RNLS: variants seen among roughly 807,000 people sequenced by gnomAD.
RNLS encodes the protein renalase.
Under a neutral mutation model 39.8 loss-of-function variants are expected in RNLS, and 39 were observed. The observed-to-expected ratio is 0.98, with a 90% CI of 0.76 to 1.28. The LOEUF (loss-of-function observed/expected upper bound fraction) is 1.28, where lower values mean the gene tolerates loss of function less well. Ranked by LOEUF, RNLS falls within the 50% of genes most tolerant of loss-of-function variation. The pLI is 0.00. For synonymous variants in RNLS, 147 were observed against 150.7 expected (o/e 0.98, Z 0.18); for missense variants, 410 against 413.3 (o/e 0.99, Z 0.07).
the RNLS span, among the ~76,000 whole-genome samples, chr10:88,189,504 A>C: frequency 6.6e-6 from 1 of 152,214 alleles, no homozygotes; most frequent in Non-Finnish European, 1.5e-5. Context: ...TAATAAACAA[A>C]AAAAAATAAT....
chr10:88,278,454 T>C (rs1842891388), intron 6 of RNLS, among the ~76,000 whole-genome samples: 1 of 152,082 alleles, frequency 6.6e-6, no homozygotes. Context: ...TTAAAAAGTA[T>C]CGAAAAAATA....
At chr10:88,454,924 T>G (rs1037095056) in intron 4 of RNLS, among the ~76,000 whole-genome samples, 1 of 152,222 alleles carries the variant, frequency 6.6e-6, no homozygotes, top group Non-Finnish European at 1.5e-5. Context: ...AAATACTCAT[T>G]TTTATTCAAT....
intron 4 of RNLS, among the ~76,000 whole-genome samples, chr10:88,469,813 ATG>A (rs1171622999): frequency 1.3e-4 from 17 of 128,222 alleles, no homozygotes; most frequent in African/African-American, 2.8e-4. Context: ...CAATATTTTT[ATG>A]TGTGTGCGTG....
the RNLS span, among the ~76,000 whole-genome samples, chr10:88,197,661 C>G: frequency 1.9e-3 from 289 of 152,276 alleles, no homozygotes; most frequent in African/African-American, 6.7e-3. Flanking sequence ...ACCCTAACCC[C>G]CAATGTGACT....
chr10:88,580,251 C>T (rs962982948), intron 3 of RNLS, among the ~76,000 whole-genome samples: 5 of 152,130 alleles, frequency 3.3e-5, no homozygotes, highest in Non-Finnish European at 5.9e-5. Flanking sequence ...CACACACATA[C>T]CCTATTGGTT....
At chr10:88,453,314 C>T (rs955447388) in intron 4 of RNLS, among the ~76,000 whole-genome samples, 2 of 152,190 alleles carry the variant, frequency 1.3e-5, no homozygotes, top group East Asian at 3.8e-4. Flanking sequence ...TCAAGAAAAC[C>T]GCCTTACCCA....
At chr10:88,419,019 C>T (rs1407602764) in intron 4 of RNLS, among the ~76,000 whole-genome samples, 1 of 152,098 alleles carries the variant, frequency 6.6e-6, no homozygotes, top group Non-Finnish European at 1.5e-5. Context: ...AAGGTGAGCC[C>T]CAATTTGCGC....
chr10:88,404,234 G>C (rs1184570015), intron 4 of RNLS, among the ~76,000 whole-genome samples: 4 of 151,988 alleles, frequency 2.6e-5, no homozygotes, highest in Non-Finnish European at 4.4e-5. Context: ...TGGTTGAAAG[G>C]CTTCAGTGTA....
chr10:88,317,080 C>T (rs1384623322), intron 5 of RNLS, among the ~76,000 whole-genome samples: 3 of 152,064 alleles, frequency 2.0e-5, no homozygotes, highest in Non-Finnish European at 4.4e-5. Flanking sequence ...TTTTCTTTTT[C>T]TTTTCTTTAT....
intron 4 of RNLS, among the ~76,000 whole-genome samples, chr10:88,523,478 T>C (rs1810537333): frequency 6.6e-6 from 1 of 152,182 alleles, no homozygotes; most frequent in African/African-American, 2.4e-5. Flanking sequence ...GCATTTATTA[T>C]TATTCCACTT....
chr10:88,319,226 T>A (rs924828412), intron 5 of RNLS, among the ~76,000 whole-genome samples: 2 of 152,032 alleles, frequency 1.3e-5, no homozygotes, highest in Non-Finnish European at 1.5e-5. Context: ...CAAATGATCA[T>A]ACACAACATA....
chr10:88,331,924 A>G (rs1036853579), intron 5 of RNLS, among the ~76,000 whole-genome samples: 2 of 152,198 alleles, frequency 1.3e-5, no homozygotes, highest in African/African-American at 4.8e-5. Flanking sequence ...AGGGAGAGAG[A>G]GGGGAGAAAG....
chr10:88,459,105 T>G (rs199719079), intron 4 of RNLS, among the ~76,000 whole-genome samples: 74,568 of 143,424 alleles, frequency 0.52, 19,017 homozygotes, highest in African/African-American at 0.68. Context: ...TCTTTTTTCT[T>G]TTTTTTTTTT....
chr10:88,176,751 C>T, the RNLS span, among the ~76,000 whole-genome samples: 1 of 151,912 alleles, frequency 6.6e-6, no homozygotes, highest in Non-Finnish European at 1.5e-5. Flanking sequence ...TGTTCTTTTG[C>T]TTCCAGAAGT....
Position 88,540,986 on chromosome 10 carries a change from C to T in RNLS, c.526+31917G>A, listed in dbSNP as rs1256743975. 2.4e-5 allele frequency among the ~76,000 whole-genome samples: 3 copies of T among 122,938 alleles called. No individual in the cohort carries two copies. In the East Asian group the frequency reaches 6.8e-4, roughly 28 times the overall value. The allele number at this position is 122,938 out of a possible 152,430, so 80.7% of individuals were successfully genotyped here. On this transcript the variant is annotated intron_variant, in intron 4 of 6. Coordinates refer to ENST00000331772, the MANE Select transcript of RNLS (RefSeq NM_001031709.3). ...TATGGTCATCATAAGTCCCTCCTTA[C>T]TGCCAAAAAAAAAAAAAAAGTACAT...
At chr10:88,549,069 G>A (rs529547013) in intron 4 of RNLS, among the ~76,000 whole-genome samples, 3 of 152,032 alleles carry the variant, frequency 2.0e-5, no homozygotes, top group Non-Finnish European at 4.4e-5. Context: ...ATGCCTCAAG[G>A]ACTATTGGGT....
the RNLS span, among the ~76,000 whole-genome samples, chr10:88,242,958 C>CAAAG: frequency 6.6e-6 from 1 of 151,708 alleles, no homozygotes; most frequent in South Asian, 2.1e-4. Context: ...AACAAACAAA[C>CAAAG]AAACAAACAA....
intron 4 of RNLS, among the ~76,000 whole-genome samples, chr10:88,492,421 C>CT (rs35806120): frequency 0.46 from 60,347 of 131,804 alleles, 14,226 homozygotes; most frequent in East Asian, 0.57. Flanking sequence ...TTTTCTTTTT[C>CT]TTTTTTTTTT....
intron 3 of RNLS, among the ~76,000 whole-genome samples, chr10:88,581,315 T>TATATATATATATATAC (rs1318796903): frequency 6.8e-5 from 10 of 147,600 alleles, no homozygotes; most frequent in Admixed American, 2.7e-4. Context: ...TATATATATA[T>TATATATATATATATAC]ACATCTATAA....
Sources: allele counts gnomAD v4.1 joint callset (sites outside exome capture counted in the v4.1 genomes callset), GRCh38; gene constraint gnomAD v4.1.1; transcripts MANE v1.5; gene names NCBI Gene and HGNC (gene_info 2026-07-23, HGNC 2026-07-21).